IQSEC1: variants seen among roughly 807,000 people sequenced by gnomAD.
IQSEC1 encodes the protein IQ motif and Sec7 domain ArfGEF 1.
Under a neutral mutation model 91.0 loss-of-function variants are expected in IQSEC1, and 31 were observed. The observed-to-expected ratio is 0.34, with a 90% CI of 0.26 to 0.46. IQSEC1 has a LOEUF of 0.46. Among genes scored for constraint, IQSEC1 ranks in the 20% least tolerant of loss-of-function variants. The probability of loss-of-function intolerance (pLI) is 1.00; values close to 1 mark genes in which losing one functional copy is unlikely to be tolerated. For synonymous variants in IQSEC1, 699 were observed against 662.6 expected, an observed-to-expected ratio of 1.05 and a Z score of -0.84; for missense variants, 1,388 against 1,575.6, an observed-to-expected ratio of 0.88 and a Z score of 2.02.
At chr3:13,185,645 C>T (rs754941203) in intron 1 of IQSEC1, among the ~76,000 whole-genome samples, 3 of 152,152 alleles carry the variant, frequency 2.0e-5, no homozygotes, top group Admixed American at 1.3e-4. Context: ...AAGGCTGGAA[C>T]GTTGCTGTAG....
chr3:13,087,038 C>T (rs962315143), intron 2 of IQSEC1, among the ~76,000 whole-genome samples: 1 of 152,212 alleles, frequency 6.6e-6, no homozygotes, highest in Non-Finnish European at 1.5e-5. Flanking sequence ...CCCTCATTCA[C>T]CCCCAGCTGG....
chr3:13,266,820 G>T (rs917859647), intron 1 of IQSEC1, among the ~76,000 whole-genome samples: 3 of 152,116 alleles, frequency 2.0e-5, no homozygotes, highest in Non-Finnish European at 4.4e-5. Flanking sequence ...CAGCCAGGCG[G>T]TCCTTCTAGC....
At chr3:13,002,596 G>A (rs1371403335) in intron 1 of IQSEC1, among the ~76,000 whole-genome samples, 4 of 148,668 alleles carry the variant, frequency 2.7e-5, no homozygotes, top group African/African-American at 9.9e-5. Context: ...TTATATAACT[G>A]ATACTGGAAC....
chr3:13,064,026 TACAG>T (rs1389101668), intron 1 of IQSEC1, among the ~76,000 whole-genome samples: 1 of 150,164 alleles, frequency 6.7e-6, no homozygotes, highest in African/African-American at 2.5e-5. Context: ...CAAAAAACAA[TACAG>T]AGAGATCTTA....
intron 1 of IQSEC1, among the ~76,000 whole-genome samples, chr3:12,988,337 C>A (rs1415834917): frequency 1.3e-5 from 2 of 152,112 alleles, no homozygotes; most frequent in Non-Finnish European, 2.9e-5. Context: ...ATTGCTTGAA[C>A]CCGGGAAGTG....
intron 1 of IQSEC1, chr3:13,053,182 C>T: frequency 1.4e-6 from 1 of 729,312 alleles, no homozygotes; most frequent in Non-Finnish European, 2.5e-6. Flanking sequence ...AGGGGACTGG[C>T]TGTGGTTTTA....
At chr3:13,056,114 A>T (rs367673686) in intron 1 of IQSEC1, among the ~76,000 whole-genome samples, 6 of 152,144 alleles carry the variant, frequency 3.9e-5, no homozygotes. Flanking sequence ...TCAAGGCCTC[A>T]CCATGTGGCC....
chr3:13,072,232 C>T (rs1373714833), intron 1 of IQSEC1, among the ~76,000 whole-genome samples: 3 of 152,246 alleles, frequency 2.0e-5, no homozygotes, highest in Admixed American at 2.0e-4. Flanking sequence ...CCTCAACCCC[C>T]GCAGCCGAGG....
At position 12,977,354 on chromosome 3, in the gene IQSEC1, A is replaced by G. The variant is rs1193481331; in HGVS notation, c.24-35489T>C. ...CAGTATAAAATCCTGTCTCCAGGGA[A>G]AAAAAAAAAAAGCGCTATCCCGTTG... On this transcript the variant is annotated intron_variant, in intron 1 of 13. Transcript: ENST00000613206. Among the ~76,000 whole-genome samples, 40 of 15,528 alleles carry G rather than the reference A, an allele frequency of 2.6e-3. No homozygotes were observed. In the East Asian group the frequency reaches 0.33, roughly 127 times the overall value. 10.2% of individuals were successfully genotyped at this position (15,528 alleles called of 152,430 possible). A position where few individuals can be genotyped will look rare whatever the true frequency, so the allele number is the denominator to read the frequency against.
intron 1 of IQSEC1, among the ~76,000 whole-genome samples, chr3:13,217,259 A>T (rs548466826): frequency 6.6e-6 from 1 of 152,188 alleles, no homozygotes; most frequent in African/African-American, 2.4e-5. Flanking sequence ...ATGCATTTAC[A>T]TCCAATGCAT....
intron 1 of IQSEC1, among the ~76,000 whole-genome samples, chr3:13,020,411 G>A (rs575020189): frequency 3.3e-5 from 5 of 152,274 alleles, no homozygotes; most frequent in South Asian, 4.1e-4. Flanking sequence ...CCCAAGACCC[G>A]CCATTGAGGC....
At chr3:12,958,306 C>T (rs934212158) in intron 1 of IQSEC1, among the ~76,000 whole-genome samples, 4 of 152,208 alleles carry the variant, frequency 2.6e-5, no homozygotes, top group African/African-American at 4.8e-5. Flanking sequence ...CCCCCTCAAC[C>T]TCCCCTACCT....
chr3:12,933,387 G>A (rs894847216), intron 3 of IQSEC1, among the ~76,000 whole-genome samples: 3 of 152,304 alleles, frequency 2.0e-5, no homozygotes, highest in Admixed American at 6.5e-5. Context: ...CAGCACACAG[G>A]AGCAAGACAG....
chr3:12,919,959 C>T (rs931726073), intron 6 of IQSEC1, among the ~76,000 whole-genome samples: 11 of 152,338 alleles, frequency 7.2e-5, no homozygotes, highest in African/African-American at 2.2e-4. Context: ...TGCCAGCAGC[C>T]GGAAGCCGCA....
At chr3:13,047,813 G>C (rs1576212926) in intron 1 of IQSEC1, among the ~76,000 whole-genome samples, 1 of 152,164 alleles carries the variant, frequency 6.6e-6, no homozygotes, top group East Asian at 1.9e-4. Flanking sequence ...CAGTGGGCAG[G>C]GTTAAAGGTC....
intron 1 of IQSEC1, among the ~76,000 whole-genome samples, chr3:12,948,768 T>C (rs1699347847): frequency 1.3e-5 from 2 of 152,292 alleles, no homozygotes; most frequent in South Asian, 2.1e-4. Context: ...CTAAGCTGTA[T>C]ATGGAACACA....
intron 12 of IQSEC1, among the ~76,000 whole-genome samples, chr3:12,905,700 C>T (rs1037590139): frequency 3.3e-5 from 5 of 152,236 alleles, no homozygotes; most frequent in African/African-American, 4.8e-5. Context: ...GTGGCAGGGG[C>T]GCTTCTCTGT....
intron 1 of IQSEC1, among the ~76,000 whole-genome samples, chr3:13,024,971 T>C (rs1237623991): frequency 1.3e-5 from 2 of 152,222 alleles, no homozygotes; most frequent in Non-Finnish European, 2.9e-5. Context: ...ATACCACAAC[T>C]GTGTGACCCT....
At chr3:12,916,992 C>A (rs1696159817) in intron 6 of IQSEC1, among the ~76,000 whole-genome samples, 1 of 152,226 alleles carries the variant, frequency 6.6e-6, no homozygotes, top group African/African-American at 2.4e-5. Context: ...AATCGAGGAA[C>A]TTCAGGGGCA....
Sources: gnomAD v4.1 joint callset for allele counts (sites outside exome capture counted in the v4.1 genomes callset) on GRCh38, gnomAD v4.1.1 for gene constraint, MANE v1.5 for transcripts, NCBI Gene and HGNC (gene_info 2026-07-23, HGNC 2026-07-21) for gene names.